Variants in SIPA1L1 observed in about 807,000 individuals in gnomAD.
SIPA1L1 encodes the protein signal induced proliferation associated 1 like 1.
In SIPA1L1, 26 loss-of-function variants were observed where a neutral mutation model predicts 162.7. That is an observed-to-expected ratio of 0.16 (90% CI 0.12 to 0.22). SIPA1L1 has a LOEUF of 0.22. SIPA1L1 is among the 10% of genes least tolerant of loss of function. SIPA1L1 has a pLI of 1.00. For synonymous variants in SIPA1L1, 829 were observed against 837.4 expected (o/e 0.99, Z 0.17); for missense variants, 1,874 against 2,241.0 (o/e 0.84, Z 3.31).
chr14:71,567,475 G>C (rs1242112167), intron 4 of SIPA1L1, among the ~76,000 whole-genome samples: 1 of 152,114 alleles, frequency 6.6e-6, no homozygotes. Flanking sequence ...TTTAAAGTGA[G>C]GGAAAGTTTA....
At chr14:71,639,732 G>C (rs1444966707) in intron 7 of SIPA1L1, among the ~76,000 whole-genome samples, 7 of 152,180 alleles carry the variant, frequency 4.6e-5, no homozygotes, top group Non-Finnish European at 1.0e-4. Context: ...TAGACATGTG[G>C]ATCGGTGGAA....
intron 2 of SIPA1L1, among the ~76,000 whole-genome samples, chr14:71,416,752 C>T (rs982990715): frequency 2.0e-5 from 3 of 150,348 alleles, no homozygotes; most frequent in South Asian, 2.1e-4. Flanking sequence ...CACACACACA[C>T]GCATGCACAC....
intron 4 of SIPA1L1, among the ~76,000 whole-genome samples, chr14:71,552,707 A>C (rs1226039803): frequency 6.6e-6 from 1 of 151,868 alleles, no homozygotes; most frequent in Non-Finnish European, 1.5e-5. Context: ...GAATGGTTGA[A>C]CTTTTCTCCT....
intron 2 of SIPA1L1, among the ~76,000 whole-genome samples, chr14:71,386,881 A>G (rs2141275330): frequency 6.6e-6 from 1 of 152,288 alleles, no homozygotes; most frequent in African/African-American, 2.4e-5. Context: ...CGTTACTGTG[A>G]ATTTTCTCAT....
intron 20 of SIPA1L1, 26 bp downstream of exon 20, chr14:71,730,327 G>C: frequency 6.2e-7 from 1 of 1,611,122 alleles, no homozygotes; most frequent in Non-Finnish European, 8.5e-7. Flanking sequence ...GCTGCAGCCT[G>C]GATGGCCCTG....
At chr14:71,581,030 A>G (rs2033859972) in intron 4 of SIPA1L1, among the ~76,000 whole-genome samples, 1 of 152,118 alleles carries the variant, frequency 6.6e-6, no homozygotes, top group Admixed American at 6.6e-5. Flanking sequence ...ATGTATTTTC[A>G]GTTTTTTATC....
intron 2 of SIPA1L1, among the ~76,000 whole-genome samples, chr14:71,479,542 T>C (rs936503745): frequency 3.3e-5 from 5 of 152,136 alleles, no homozygotes; most frequent in African/African-American, 1.2e-4. Flanking sequence ...ACTACAGGCA[T>C]GTGCCACGAT....
At chr14:71,718,250 C>T (rs1475324147) in intron 17 of SIPA1L1, among the ~76,000 whole-genome samples, 2 of 152,208 alleles carry the variant, frequency 1.3e-5, no homozygotes, top group South Asian at 2.1e-4. Flanking sequence ...CTGAAGTGCA[C>T]AGCTTCATGC....
At chr14:71,379,327 TG>T (rs2141156515) in intron 2 of SIPA1L1, among the ~76,000 whole-genome samples, 1 of 151,664 alleles carries the variant, frequency 6.6e-6, no homozygotes, top group Admixed American at 6.6e-5. Flanking sequence ...TTTAAGAGAC[TG>T]GGTCTCACTC....
chr14:71,694,604 A>T (rs1294329016), intron 13 of SIPA1L1, among the ~76,000 whole-genome samples: 1 of 152,240 alleles, frequency 6.6e-6, no homozygotes, highest in Non-Finnish European at 1.5e-5. Context: ...ATAAAAATAT[A>T]GAGAAGAAAA....
At chr14:71,545,341 C>T (rs1024436501) in intron 4 of SIPA1L1, among the ~76,000 whole-genome samples, 1 of 152,114 alleles carries the variant, frequency 6.6e-6, no homozygotes, top group East Asian at 1.9e-4. Context: ...ATTCCATTTA[C>T]GAACCTCTTC....
intron 13 of SIPA1L1, among the ~76,000 whole-genome samples, chr14:71,691,958 T>G (rs2081285617): frequency 6.6e-6 from 1 of 152,254 alleles, no homozygotes; most frequent in Non-Finnish European, 1.5e-5. Flanking sequence ...TATTCATCTT[T>G]GTATTCCAAA....
chr14:71,705,069 G>T (rs1350267749), intron 15 of SIPA1L1, 153 bp from the exon 16 acceptor site: 1 of 655,572 alleles, frequency 1.5e-6, no homozygotes, highest in Admixed American at 2.6e-5. Flanking sequence ...CTGACCTGCT[G>T]TCTATCAAAT....
At chr14:71,727,658 A>G (rs979736363) in intron 19 of SIPA1L1, among the ~76,000 whole-genome samples, 1 of 151,990 alleles carries the variant, frequency 6.6e-6, no homozygotes, top group Non-Finnish European at 1.5e-5. Flanking sequence ...GTGTGATCCC[A>G]CTTCCAGTGC....
chr14:71,531,725 G>T (rs879361506), intron 4 of SIPA1L1, among the ~76,000 whole-genome samples: 2 of 151,946 alleles, frequency 1.3e-5, no homozygotes, highest in Non-Finnish European at 2.9e-5. Context: ...GAACCACCAG[G>T]TTTGGGTAAT....
At chr14:71,539,019 A>C (rs918935378) in intron 4 of SIPA1L1, among the ~76,000 whole-genome samples, 2 of 152,176 alleles carry the variant, frequency 1.3e-5, no homozygotes, top group Admixed American at 1.3e-4. Flanking sequence ...GTATTTCTCA[A>C]CTGTTTTTCA....
At chr14:71,354,221 T>C (rs1212593040) in intron 2 of SIPA1L1, among the ~76,000 whole-genome samples, 2 of 151,626 alleles carry the variant, frequency 1.3e-5, no homozygotes, top group African/African-American at 2.4e-5. Flanking sequence ...CTAAACATGA[T>C]AAACGAAAAA....
intron 7 of SIPA1L1, among the ~76,000 whole-genome samples, chr14:71,624,800 C>T (rs2039808230): frequency 6.6e-6 from 1 of 152,158 alleles, no homozygotes; most frequent in Admixed American, 6.5e-5. Context: ...GTCTGTGCCA[C>T]TTCACCGCGC....
intron 2 of SIPA1L1, among the ~76,000 whole-genome samples, chr14:71,415,528 G>T (rs752931286): frequency 2.0e-5 from 3 of 152,156 alleles, no homozygotes; most frequent in Non-Finnish European, 2.9e-5. Context: ...TGTGAATGTA[G>T]CTCTGCTCTG....
Sources: allele counts gnomAD v4.1 joint callset (sites outside exome capture counted in the v4.1 genomes callset), GRCh38; gene constraint gnomAD v4.1.1; transcripts MANE v1.5; gene names NCBI Gene and HGNC (gene_info 2026-07-23, HGNC 2026-07-21).